The following PDE4D variants were observed in gnomAD, a reference collection of about 807,000 sequenced individuals.
PDE4D encodes the protein 3',5'-cyclic-AMP phosphodiesterase 4D.
PDE4D carries 24 observed loss-of-function variants against 87.4 expected under a neutral mutation model. The ratio of observed to expected loss-of-function variants is 0.27; its 90% CI spans 0.20 to 0.39. The LOEUF (loss-of-function observed/expected upper bound fraction) is 0.39. PDE4D is among the 10% of genes least tolerant of loss of function. The probability of loss-of-function intolerance (pLI) is 1.00; values close to 1 mark genes in which losing one functional copy is unlikely to be tolerated. For synonymous variants in PDE4D, 384 were observed against 383.2 expected, an observed-to-expected ratio of 1.00 and a Z score of -0.02; for missense variants, 714 against 1,041.0, an observed-to-expected ratio of 0.69 and a Z score of 4.32.
At chr5:60,204,908 G>C (rs1316037533) in intron 1 of PDE4D, among the ~76,000 whole-genome samples, 1 of 152,162 alleles carries the variant, frequency 6.6e-6, no homozygotes, top group Non-Finnish European at 1.5e-5. Flanking sequence ...CAGCCTTTAA[G>C]GATTGATAGA....
chr5:60,131,946 T>G (rs1401419992), intron 2 of PDE4D, among the ~76,000 whole-genome samples: 1 of 152,234 alleles, frequency 6.6e-6, no homozygotes, highest in East Asian at 1.9e-4. Context: ...AAATATTCTC[T>G]GCAATAATTG....
intron 2 of PDE4D, among the ~76,000 whole-genome samples, chr5:59,200,272 TGTACAGCTACAA>T (rs1746834940): frequency 1.6e-5 from 2 of 127,380 alleles, no homozygotes; most frequent in Non-Finnish European, 3.2e-5. Flanking sequence ...CATATGTGTA[TGTACAGCTACAA>T]GTATACATAC....
chr5:59,546,959 C>T (rs1191365118), intron 1 of PDE4D, among the ~76,000 whole-genome samples: 2 of 152,118 alleles, frequency 1.3e-5, no homozygotes, highest in Admixed American at 6.6e-5. Flanking sequence ...GTCAGAAATG[C>T]CCTTCTCATA....
chr5:59,540,176 G>A (rs1053726253), intron 1 of PDE4D, among the ~76,000 whole-genome samples: 6 of 152,140 alleles, frequency 3.9e-5, no homozygotes, highest in African/African-American at 1.4e-4. Context: ...ACTAACAGTA[G>A]GGAAGCACAT....
At chr5:59,145,326 C>T (rs1441355295) in intron 5 of PDE4D, among the ~76,000 whole-genome samples, 2 of 152,162 alleles carry the variant, frequency 1.3e-5, no homozygotes, top group African/African-American at 2.4e-5. Flanking sequence ...TGTGCTCTTC[C>T]GAATCTTTCA....
chr5:59,964,046 G>C (rs1257791587), intron 3 of PDE4D, among the ~76,000 whole-genome samples: 2 of 152,162 alleles, frequency 1.3e-5, no homozygotes, highest in Non-Finnish European at 1.5e-5. Flanking sequence ...GCTACTCACA[G>C]AGTCTGTGTT....
At position 59,180,663 on chromosome 5, in the gene PDE4D, C is replaced by T. The variant is rs1172742469; in HGVS notation, c.759-19G>A. On this transcript the variant is annotated intron_variant, in intron 4 of 14. Coordinates refer to ENST00000340635, the MANE Select transcript of PDE4D (RefSeq NM_001104631.2). ...TGATCTTCTGACAAAGACAGAAAAA[C>T]ACAAAGCAGTAAATATGTGGGGCTT... The T allele has an allele frequency of 6.2e-7, 1 of 1,610,746 alleles. No homozygotes were observed. Among genetic ancestry groups the T allele is most frequent in the Admixed American group, 1.7e-5 (1 of 59,836 alleles).
At chr5:60,037,191 A>G (rs1767908382) in intron 2 of PDE4D, among the ~76,000 whole-genome samples, 1 of 152,202 alleles carries the variant, frequency 6.6e-6, no homozygotes, top group Non-Finnish European at 1.5e-5. Context: ...AAGCCATTAT[A>G]TAATCTTGAA....
chr5:59,790,894 A>AT (rs1765709862), intron 1 of PDE4D, among the ~76,000 whole-genome samples: 1 of 152,086 alleles, frequency 6.6e-6, no homozygotes, highest in Non-Finnish European at 1.5e-5. Context: ...TCTGATAATA[A>AT]TTTTGCTTTC....
intron 1 of PDE4D, among the ~76,000 whole-genome samples, chr5:60,500,911 C>A (rs1453970742): frequency 6.6e-6 from 1 of 152,030 alleles, no homozygotes; most frequent in Non-Finnish European, 1.5e-5. Flanking sequence ...ACAGCTGAGG[C>A]AACTGAGGCT....
intron 5 of PDE4D, among the ~76,000 whole-genome samples, chr5:59,135,259 T>C (rs2153452772): frequency 6.6e-6 from 1 of 152,358 alleles, no homozygotes; most frequent in Middle Eastern, 3.4e-3. Context: ...TGGTTCATTT[T>C]ATTTTGATTT....
intron 1 of PDE4D, among the ~76,000 whole-genome samples, chr5:60,264,794 A>G (rs1464702003): frequency 2.1e-4 from 32 of 152,122 alleles, no homozygotes; most frequent in Admixed American, 2.1e-3. Context: ...CCCTGCTCAC[A>G]CCCCTCATTC....
At chr5:59,215,576 T>C in intron 2 of PDE4D, 1 of 557,340 alleles carries the variant, frequency 1.8e-6, no homozygotes, top group East Asian at 3.1e-5. Flanking sequence ...TGTGTGTGTG[T>C]GTGTGTGTGT....
chr5:59,475,469 T>C (rs1305155627), intron 1 of PDE4D, among the ~76,000 whole-genome samples: 1 of 152,092 alleles, frequency 6.6e-6, no homozygotes, highest in Non-Finnish European at 1.5e-5. Context: ...CTCAAGTCAA[T>C]GTAGGAGATG....
chr5:59,361,672 A>G (rs1782254481), intron 1 of PDE4D, among the ~76,000 whole-genome samples: 1 of 152,098 alleles, frequency 6.6e-6, no homozygotes, highest in Admixed American at 6.6e-5. Flanking sequence ...CTTATTTGGT[A>G]TCTGGCTCCC....
chr5:60,126,317 C>T (rs960915293), intron 2 of PDE4D, among the ~76,000 whole-genome samples: 2 of 152,068 alleles, frequency 1.3e-5, no homozygotes, highest in Non-Finnish European at 2.9e-5. Flanking sequence ...AAACAACACT[C>T]TAAATATCAA....
At chr5:60,395,516 A>G (rs1027844762) in intron 1 of PDE4D, among the ~76,000 whole-genome samples, 1 of 152,174 alleles carries the variant, frequency 6.6e-6, no homozygotes, top group Non-Finnish European at 1.5e-5. Flanking sequence ...GTAATCAAAG[A>G]CCACAACATA....
At chr5:60,314,219 T>C (rs967930267) in intron 1 of PDE4D, among the ~76,000 whole-genome samples, 17 of 151,810 alleles carry the variant, frequency 1.1e-4, no homozygotes, top group African/African-American at 4.1e-4. Flanking sequence ...CAGGCTGGAA[T>C]GCAGTTGCAC....
intron 1 of PDE4D, among the ~76,000 whole-genome samples, chr5:60,429,407 T>A (rs1050183780): frequency 1.3e-5 from 2 of 152,178 alleles, no homozygotes; most frequent in Non-Finnish European, 2.9e-5. Flanking sequence ...TTCTAGGTAG[T>A]TTGACAGAGG....
Sources: gnomAD v4.1 joint callset for allele counts (sites outside exome capture counted in the v4.1 genomes callset) on GRCh38, gnomAD v4.1.1 for gene constraint, MANE v1.5 for transcripts, NCBI Gene and HGNC (gene_info 2026-07-23, HGNC 2026-07-21) for gene names.